TMOD3: variants seen among roughly 807,000 people sequenced by gnomAD.
TMOD3 encodes the protein tropomodulin 3.
Under a neutral mutation model 39.2 loss-of-function variants are expected in TMOD3, and 20 were observed. The observed-to-expected ratio is 0.51, with a 90% CI of 0.36 to 0.74. TMOD3 has a LOEUF of 0.74. Among genes scored for constraint, TMOD3 ranks in the 30% least tolerant of loss-of-function variants. The pLI is 0.00. For missense variants in TMOD3, 381 were observed against 412.8 expected, an observed-to-expected ratio of 0.92 and a Z score of 0.67; for synonymous variants, 143 against 145.8, an observed-to-expected ratio of 0.98 and a Z score of 0.14.
At chr15:51,906,577 C>T (rs545096805) in intron 9 of TMOD3, among the ~76,000 whole-genome samples, 2 of 152,304 alleles carry the variant, frequency 1.3e-5, no homozygotes, top group African/African-American at 2.4e-5. Flanking sequence ...CACTAGTTAA[C>T]TGCATATTCC....
At chr15:51,859,800 T>G (rs2056407493) in intron 1 of TMOD3, 13 of 506,928 alleles carry the variant, frequency 2.6e-5, no homozygotes, top group South Asian at 2.0e-4. Flanking sequence ...CAGTCCCAGC[T>G]ACTGCCACCT....
At chr15:51,885,113 T>A (rs541177795) in intron 3 of TMOD3, among the ~76,000 whole-genome samples, 7 of 152,350 alleles carry the variant, frequency 4.6e-5, no homozygotes, top group African/African-American at 1.4e-4. Context: ...GCAAGCTTAG[T>A]AACCCAAGTT....
Position 51,908,861 on chromosome 15 carries a change from A to C in TMOD3, c.*51A>C. ...GACTTCAGAAGATCACCAAGGGCTC[A>C]TGTTGGTGACATCATGTAAAATTTT... On this transcript the variant is annotated 3_prime_UTR_variant, in exon 10 of 10. Transcript: ENST00000308580. 221 of 1,487,922 alleles carry C rather than the reference A, an allele frequency of 1.5e-4. No homozygotes were observed. Among genetic ancestry groups the C allele is most frequent in the Non-Finnish European group, 1.8e-4 (199 of 1,100,676 alleles). The allele number at this position is 1,487,922 out of a possible 1,614,324, so 92.2% of individuals were successfully genotyped here. A position where few individuals can be genotyped will look rare whatever the true frequency, so the allele number is the denominator to read the frequency against.
intron 3 of TMOD3, among the ~76,000 whole-genome samples, chr15:51,874,518 C>T (rs760117343): frequency 7.2e-5 from 11 of 152,258 alleles, no homozygotes; most frequent in African/African-American, 1.2e-4. Context: ...AGCTTGTTCT[C>T]GTTTGGAGAA....
chr15:51,908,672 A>G (rs2056694548), intron 9 of TMOD3, 104 bp from the exon 10 acceptor site: 1 of 800,538 alleles, frequency 1.2e-6, no homozygotes, highest in Non-Finnish European at 1.8e-6. Flanking sequence ...TCAATTTTGT[A>G]AAACTTATAA....
chr15:51,835,984 C>G (rs1291857355), intron 1 of TMOD3, among the ~76,000 whole-genome samples: 1 of 152,098 alleles, frequency 6.6e-6, no homozygotes, highest in African/African-American at 2.4e-5. Context: ...TGGGGACTTA[C>G]CAGTGAGGAG....
intron 1 of TMOD3, chr15:51,860,110 G>A (rs184860251): frequency 5.6e-5 from 27 of 484,838 alleles, no homozygotes; most frequent in African/African-American, 4.9e-4. Context: ...TAGGCTGTAC[G>A]CTGCTCTTCT....
chr15:51,884,303 A>G (rs113135935), intron 3 of TMOD3, among the ~76,000 whole-genome samples: 1,752 of 152,370 alleles, frequency 0.011, 37 homozygotes, highest in African/African-American at 0.036. Flanking sequence ...TGAACAGAAC[A>G]TAGAGCATCC....
intron 1 of TMOD3, among the ~76,000 whole-genome samples, chr15:51,842,850 C>G (rs2056319032): frequency 6.6e-6 from 1 of 152,224 alleles, no homozygotes; most frequent in African/African-American, 2.4e-5. Context: ...GTAACTACTA[C>G]TCCCTTTCAA....
chr15:51,885,741 C>G (rs1385847930), intron 3 of TMOD3, among the ~76,000 whole-genome samples: 1 of 152,234 alleles, frequency 6.6e-6, no homozygotes, highest in Non-Finnish European at 1.5e-5. Flanking sequence ...CCCCACATTT[C>G]CCCCTTTTGT....
intron 3 of TMOD3, among the ~76,000 whole-genome samples, chr15:51,873,472 G>T (rs757176869): frequency 1.3e-5 from 2 of 152,090 alleles, no homozygotes; most frequent in Non-Finnish European, 2.9e-5. Context: ...TACTTTTTTG[G>T]TACATTTAGA....
chr15:51,875,932 T>C (rs566849204), intron 3 of TMOD3, among the ~76,000 whole-genome samples: 89 of 152,240 alleles, frequency 5.8e-4, no homozygotes, highest in Non-Finnish European at 3.7e-4. Context: ...GTACTGCTTT[T>C]AGTTGTTTCA....
At chr15:51,879,624 A>G (rs113726559) in intron 3 of TMOD3, among the ~76,000 whole-genome samples, 1,850 of 152,038 alleles carry the variant, frequency 0.012, 41 homozygotes, top group African/African-American at 0.043. Context: ...AGATCAACTC[A>G]GGATAACTCA....
intron 3 of TMOD3, among the ~76,000 whole-genome samples, chr15:51,878,754 G>C (rs1009287340): frequency 2.6e-4 from 39 of 152,272 alleles, no homozygotes; most frequent in African/African-American, 8.9e-4. Context: ...TGATTGGTTT[G>C]AGGTTTTTGT....
chr15:51,862,630 A>AT (rs961429547), intron 1 of TMOD3, among the ~76,000 whole-genome samples, 181 bp from the exon 2 acceptor site: 16 of 149,638 alleles, frequency 1.1e-4, no homozygotes, highest in South Asian at 8.5e-4. Context: ...TTCCTGGTTG[A>AT]TTTTTTTTTT....
chr15:51,897,110 G>C (rs1165613619), intron 7 of TMOD3, among the ~76,000 whole-genome samples: 1 of 152,170 alleles, frequency 6.6e-6, no homozygotes, highest in African/African-American at 2.4e-5. Flanking sequence ...TACCTCAGTG[G>C]ACATTCCTTC....
chr15:51,876,861 G>C (rs569840490), intron 3 of TMOD3, among the ~76,000 whole-genome samples: 2 of 152,222 alleles, frequency 1.3e-5, no homozygotes, highest in Admixed American at 1.3e-4. Flanking sequence ...AGGAGTTGCA[G>C]ACCAGCTTGG....
rs35282838 is a variant in TMOD3, at chr15:51,897,781, C to CAAAA, written c.735+1269_735+1272dup. Among the ~76,000 whole-genome samples the CAAAA allele has an allele frequency of 1.1e-3, 120 of 110,978 alleles. 1 individual carries two copies. The highest frequency in any genetic ancestry group is 3.8e-3 in the African/African-American group (112 of 29,756). The allele number at this position is 110,978 out of a possible 152,430, so 72.8% of individuals were successfully genotyped here. A position where few individuals can be genotyped will look rare whatever the true frequency, so the allele number is the denominator to read the frequency against. On this transcript the variant is annotated intron_variant, in intron 7 of 9. Coordinates refer to ENST00000308580, the MANE Select transcript of TMOD3 (RefSeq NM_014547.5). ...TACAGGCGTGAGCCACCACGCCCAG[C>CAAAA]AAAAAAAAAAAAAAAAACAAAAAAC...
At chr15:51,902,750 C>T (rs1267764857) in intron 9 of TMOD3, among the ~76,000 whole-genome samples, 2 of 149,814 alleles carry the variant, frequency 1.3e-5, no homozygotes, top group Admixed American at 6.6e-5. Context: ...CCCAGGTTCA[C>T]GCCATTCTCC....
Sources: allele counts gnomAD v4.1 joint callset (sites outside exome capture counted in the v4.1 genomes callset), GRCh38; gene constraint gnomAD v4.1.1; transcripts MANE v1.5; gene names NCBI Gene and HGNC (gene_info 2026-07-23, HGNC 2026-07-21).